LRRC8D: variants seen among roughly 807,000 people sequenced by gnomAD.
LRRC8D encodes volume-regulated anion channel subunit LRRC8D.
A neutral mutation model predicts 55.8 loss-of-function variants in LRRC8D; 20 were observed. The observed-to-expected ratio is 0.36, with a 90% CI of 0.25 to 0.52. The LOEUF (loss-of-function observed/expected upper bound fraction) is 0.52. LRRC8D is among the 20% of genes least tolerant of loss of function. LRRC8D has a pLI of 0.93. For synonymous variants in LRRC8D, 352 were observed against 377.0 expected (o/e 0.93, Z 0.77); for missense variants, 651 against 1,030.8 (o/e 0.63, Z 5.05).
chr1:89,919,641 C>T (rs780181394), intron 2 of LRRC8D, among the ~76,000 whole-genome samples: 4 of 152,132 alleles, frequency 2.6e-5, no homozygotes, highest in Non-Finnish European at 5.9e-5. Flanking sequence ...TGAAGTTAGG[C>T]GATAAAGTTG....
At chr1:89,890,116 G>A (rs1472626322) in intron 2 of LRRC8D, among the ~76,000 whole-genome samples, 4 of 152,208 alleles carry the variant, frequency 2.6e-5, no homozygotes, top group African/African-American at 9.7e-5. Flanking sequence ...GAAACCGGGA[G>A]GCGGAGCTTG....
rs191960985 is a variant in LRRC8D at position 89,856,991 on chromosome 1, T to C, written c.-3+13209T>C. The stretch of plus-strand genomic sequence containing the variant: ...AGGTTTTAGTGATTACCCTAGAGTT[T>C]ATAATTGATTTTAGTTTCTTAAAAC... On this transcript the variant is annotated intron_variant, in intron 2 of 2. Coordinates refer to ENST00000337338, the MANE Select transcript of LRRC8D (RefSeq NM_001134479.2). 3.0e-3 allele frequency among the ~76,000 whole-genome samples: 450 copies of C among 152,336 alleles called. 3 individuals carry two copies. Among genetic ancestry groups the C allele is most frequent in the Non-Finnish European group, 2.6e-3 (177 of 68,034 alleles).
At chr1:89,834,519 T>G (rs1431781653) in intron 1 of LRRC8D, among the ~76,000 whole-genome samples, 2 of 152,248 alleles carry the variant, frequency 1.3e-5, no homozygotes, top group Non-Finnish European at 2.9e-5. Flanking sequence ...AGAGCTAAAC[T>G]TCGACCTAGG....
intron 2 of LRRC8D, among the ~76,000 whole-genome samples, chr1:89,904,139 A>G (rs1178567023): frequency 6.6e-6 from 1 of 152,218 alleles, no homozygotes; most frequent in African/African-American, 2.4e-5. Flanking sequence ...AATAGTAGAG[A>G]GAGCTTTCTG....
chr1:89,869,490 A>T (rs1661941374), intron 2 of LRRC8D, among the ~76,000 whole-genome samples: 1 of 152,246 alleles, frequency 6.6e-6, no homozygotes, highest in South Asian at 2.1e-4. Context: ...TGATTGGTGT[A>T]CATGAAAGTG....
At chr1:89,892,059 A>C (rs1662591359) in intron 2 of LRRC8D, among the ~76,000 whole-genome samples, 1 of 152,152 alleles carries the variant, frequency 6.6e-6, no homozygotes. Flanking sequence ...GTGTAACCCC[A>C]GTTCATCCTA....
rs114055611 is a variant in LRRC8D at position 89,891,923 on chromosome 1, C to G, written c.-2-41144C>G. 2.1e-3 allele frequency among the ~76,000 whole-genome samples: 315 copies of G among 152,298 alleles called. 5 individuals are homozygous for G. The highest frequency in any genetic ancestry group is 7.3e-3 in the African/African-American group (303 of 41,558). On this transcript the variant is annotated intron_variant, in intron 2 of 2. Coordinates refer to ENST00000337338, the MANE Select transcript of LRRC8D (RefSeq NM_001134479.2). The stretch of plus-strand genomic sequence containing the variant: ...CCCCCTGCCCTCTGTATTAACAACT[C>G]TGGGTTCTCTCACTCCATACTAGAC...
intron 1 of LRRC8D, among the ~76,000 whole-genome samples, chr1:89,829,487 C>T (rs549292503): frequency 2.6e-5 from 4 of 152,260 alleles, no homozygotes; most frequent in Non-Finnish European, 5.9e-5. Context: ...TTATTTTAAA[C>T]CAGACTTTTT....
At chr1:89,853,574 CA>C (rs1203399321) in intron 2 of LRRC8D, among the ~76,000 whole-genome samples, 1 of 152,176 alleles carries the variant, frequency 6.6e-6, no homozygotes, top group African/African-American at 2.4e-5. Flanking sequence ...ATTCTTACAA[CA>C]ATCTCCTGTG....
At chr1:89,875,781 ATAT>A (rs566504027) in intron 2 of LRRC8D, among the ~76,000 whole-genome samples, 69 of 152,212 alleles carry the variant, frequency 4.5e-4, no homozygotes, top group Non-Finnish European at 8.4e-4. Flanking sequence ...TGCCTTGCAA[ATAT>A]TATTTTATTT....
intron 2 of LRRC8D, among the ~76,000 whole-genome samples, chr1:89,925,731 C>G (rs1663544203): frequency 6.6e-6 from 1 of 152,194 alleles, no homozygotes; most frequent in Non-Finnish European, 1.5e-5. Context: ...ATCTTTAATT[C>G]AGTCGATGGT....
chr1:89,917,704 C>T lies in LRRC8D; in HGVS notation c.-2-15363C>T, dbSNP rs78629657. Among the ~76,000 whole-genome samples, 714 of 152,186 alleles carry T rather than the reference C, an allele frequency of 4.7e-3. 13 individuals are homozygous for T. Among genetic ancestry groups the T allele is most frequent in the East Asian group, 0.036 (188 of 5,176 alleles). On this transcript the variant is annotated intron_variant, in intron 2 of 2. Transcript: ENST00000337338. Reference sequence around the variant, plus strand: ...ATGCACTTTCATAGTACCATGCAAGCAGGGGAAGGTCCAAGCTTCCTGGGA... The same window carrying T: ...ATGCACTTTCATAGTACCATGCAAGTAGGGGAAGGTCCAAGCTTCCTGGGA...
rs761481161 is a variant in LRRC8D, at chr1:89,934,048, C to T, written c.980C>T (p.Ala327Val). ...TTCATTTTTATTCTCTGCTATACAG[C>T]GAACTTTGTCAACGCAATCAGCTTT... ...AKFIFILCYT[A>V]NFVNAISFEH... Residue 327 changes from alanine to valine, a missense_variant, in exon 3 of 3, where the codon GCG becomes GTG. Transcript: ENST00000337338. This position sits in a 1 kb window ranked among gnomAD's most constrained non-coding sequence, Gnocchi z 5.9. The T allele has an allele frequency of 6.2e-6, 10 of 1,614,184 alleles. No individual in the cohort carries two copies. The highest frequency in any genetic ancestry group is 1.6e-4 in the Middle Eastern group (1 of 6,062).
chr1:89,928,906 T>C (rs1399477175), intron 2 of LRRC8D, among the ~76,000 whole-genome samples: 2 of 152,218 alleles, frequency 1.3e-5, no homozygotes, highest in Non-Finnish European at 2.9e-5. Context: ...CATTCTTGCA[T>C]AGATCCAGGT....
chr1:89,840,609 T>C (rs1330939675), intron 1 of LRRC8D, among the ~76,000 whole-genome samples: 2 of 152,210 alleles, frequency 1.3e-5, no homozygotes, highest in African/African-American at 2.4e-5. Context: ...TGCTCTTCTG[T>C]ATTTTGTTAC....
chr1:89,840,329 A>C (rs1433790014), intron 1 of LRRC8D, among the ~76,000 whole-genome samples: 1 of 152,230 alleles, frequency 6.6e-6, no homozygotes, highest in Non-Finnish European at 1.5e-5. Flanking sequence ...GGAAAGTATG[A>C]GATGGTGTTC....
At chr1:89,919,537 A>G (rs1287904358) in intron 2 of LRRC8D, among the ~76,000 whole-genome samples, 1 of 152,206 alleles carries the variant, frequency 6.6e-6, no homozygotes, top group Admixed American at 6.5e-5. Context: ...AGTTTAATCT[A>G]AGATGTCCAT....
At chr1:89,915,219 G>A (rs542260022) in intron 2 of LRRC8D, among the ~76,000 whole-genome samples, 1 of 152,168 alleles carries the variant, frequency 6.6e-6, no homozygotes, top group Non-Finnish European at 1.5e-5. Flanking sequence ...CTAACAGAGT[G>A]TAGCGTTTAG....
intron 1 of LRRC8D, among the ~76,000 whole-genome samples, chr1:89,836,749 C>A (rs942881140): frequency 2.0e-5 from 3 of 152,182 alleles, no homozygotes. Context: ...CCACTCCCTG[C>A]AAATTAAAGG....
Sources: allele counts gnomAD v4.1 joint callset (sites outside exome capture counted in the v4.1 genomes callset), GRCh38; gene constraint gnomAD v4.1.1; non-coding constraint Gnocchi (gnomAD v3.1); transcripts MANE v1.5; gene names NCBI Gene and HGNC (gene_info 2026-07-23, HGNC 2026-07-21).